TRPV4: variants seen among roughly 807,000 people sequenced by gnomAD.
The protein encoded by TRPV4 is OSM9-like transient receptor potential channel 4.
TRPV4 carries 58 observed loss-of-function variants against 84.1 expected under a neutral mutation model. The ratio of observed to expected loss-of-function variants is 0.69; its 90% confidence interval spans 0.56 to 0.86. The LOEUF (loss-of-function observed/expected upper bound fraction) is 0.86. TRPV4 is among the 40% of genes least tolerant of loss of function. The pLI is 0.00. For synonymous variants in TRPV4, 489 were observed against 500.9 expected (o/e 0.98, Z 0.32); for missense variants, 879 against 1,181.1 (o/e 0.74, Z 3.75).
Position 109,814,808 on chromosome 12 carries a change from G to T in TRPV4, c.-12C>A. The T allele has an allele frequency of 6.5e-7, 1 of 1,537,706 alleles. No individual in the cohort carries two copies. On this transcript the variant is annotated 5_prime_UTR_variant, in exon 2 of 16. Coordinates refer to ENST00000261740, the MANE Select transcript of TRPV4 (RefSeq NM_021625.5). This position sits in a 1 kb window ranked among gnomAD's most constrained non-coding sequence, Gnocchi z 5.4. ...CTGGAATCCGCCATGCCTGCCCCAG[G>T]CCCGTCTGCACTGCTCAGCCTGCAA... is the stretch of plus-strand genomic sequence containing the variant.
intron 12 of TRPV4, among the ~76,000 whole-genome samples, chr12:109,791,605 C>G (rs575656900): frequency 6.6e-6 from 1 of 150,510 alleles, no homozygotes; most frequent in Admixed American, 6.6e-5. Context: ...GCCTCAGCCT[C>G]CCGAGTAGCT....
chr12:109,801,541 C>T (rs1325673876), intron 4 of TRPV4, among the ~76,000 whole-genome samples: 1 of 152,156 alleles, frequency 6.6e-6, no homozygotes, highest in Non-Finnish European at 1.5e-5. Context: ...CCTGATGCCT[C>T]CCCAGCCCTG....
chr12:109,807,570 T>C (rs1318033547), intron 3 of TRPV4, among the ~76,000 whole-genome samples: 2 of 151,964 alleles, frequency 1.3e-5, no homozygotes, highest in African/African-American at 2.4e-5. Context: ...CTTGACATGG[T>C]ATCTTGACTT....
chr12:109,801,146 C>G (rs781156294), intron 4 of TRPV4, among the ~76,000 whole-genome samples: 1 of 152,218 alleles, frequency 6.6e-6, no homozygotes, highest in Non-Finnish European at 1.5e-5. Flanking sequence ...GATCCCATCT[C>G]TATAGAAATG....
At chr12:109,824,405 G>T (rs1362010958) in intron 1 of TRPV4, among the ~76,000 whole-genome samples, 1 of 151,994 alleles carries the variant, frequency 6.6e-6, no homozygotes, top group Non-Finnish European at 1.5e-5. Flanking sequence ...CACCCTCTCA[G>T]CCAGCCCTGC....
In TRPV4 at chr12:109,793,512, G is replaced by C. The variant is rs200083069; in HGVS notation, c.1658+15C>G. 1.2e-6 allele frequency: 2 copies of C among 1,611,772 alleles called. No individual in the cohort carries two copies. The highest frequency in any genetic ancestry group is 2.7e-5 in the African/African-American group (2 of 74,854). ...TCCTCACCCAGAAGCTGCCGGCCCA[G>C]GGACCTCTACTCACTAGAGCAGCTG... On this transcript the variant is annotated intron_variant, in intron 10 of 15. Coordinates refer to ENST00000261740, the MANE Select transcript of TRPV4 (RefSeq NM_021625.5). This position sits in a 1 kb window ranked among gnomAD's most constrained non-coding sequence, Gnocchi z 4.0.
At position 109,817,961 on chromosome 12, in the gene TRPV4, G is replaced by A. The variant is rs140510259; in HGVS notation, c.-31-3134C>T. The stretch of plus-strand genomic sequence containing the variant: ...TGACCCAGCCCACAATGTCAATAGC[G>A]TCGAGACTGAGAACATCTGCCCTGG... On this transcript the variant is annotated intron_variant, in intron 1 of 15. Coordinates refer to ENST00000261740, the MANE Select transcript of TRPV4 (RefSeq NM_021625.5). Among the ~76,000 whole-genome samples, 34 of 152,174 alleles carry A rather than the reference G, an allele frequency of 2.2e-4. No individual in the cohort carries two copies. The East Asian group carries it at 5.0e-3, about 23-fold the overall frequency.
At chr12:109,809,288 T>C (rs1891361859) in intron 2 of TRPV4, among the ~76,000 whole-genome samples, 1 of 127,052 alleles carries the variant, frequency 7.9e-6, no homozygotes, top group Non-Finnish European at 1.6e-5. Context: ...CATCCATCCA[T>C]CCACCTACCC....
At position 109,783,955 on chromosome 12, in the gene TRPV4, G is replaced by GAGAATGGAGGAACCAGGATTCA. The variant is rs1889516608; in HGVS notation, c.2459-199_2459-178dup. Among the ~76,000 whole-genome samples the GAGAATGGAGGAACCAGGATTCA allele has an allele frequency of 6.6e-6, 1 of 152,190 alleles. No individual in the cohort carries two copies. Among genetic ancestry groups the GAGAATGGAGGAACCAGGATTCA allele is most frequent in the African/African-American group, 2.4e-5 (1 of 41,440 alleles). ...GAGAGGTCAAGGTGCCTCCCCAGGA[G>GAGAATGGAGGAACCAGGATTCA]AGAATGGAGGAACCAGGATTCAAGC... On this transcript the variant is annotated intron_variant, in intron 15 of 15. Transcript: ENST00000261740. The surrounding 1 kb of genome is among the most constrained non-coding windows in gnomAD (Gnocchi z 4.6).
At chr12:109,816,639 G>A (rs919476814) in intron 1 of TRPV4, among the ~76,000 whole-genome samples, 2 of 152,148 alleles carry the variant, frequency 1.3e-5, no homozygotes, top group Non-Finnish European at 1.5e-5. Flanking sequence ...TTAGCCAGGC[G>A]TGGTGGCACG....
At chr12:109,827,804 A>G (rs749786675) in intron 1 of TRPV4, among the ~76,000 whole-genome samples, 56 of 151,670 alleles carry the variant, frequency 3.7e-4, no homozygotes, top group African/African-American at 1.3e-3. Flanking sequence ...ACATATAGTC[A>G]TACATATACA....
chr12:109,816,740 T>C (rs149475999), intron 1 of TRPV4, among the ~76,000 whole-genome samples: 52 of 152,290 alleles, frequency 3.4e-4, no homozygotes, highest in African/African-American at 1.1e-3. Context: ...ATGGCGCCAC[T>C]GCACTCCAGC....
chr12:109,795,451 C>T (rs1890327742), intron 7 of TRPV4, among the ~76,000 whole-genome samples: 1 of 152,200 alleles, frequency 6.6e-6, no homozygotes, highest in African/African-American at 2.4e-5. Context: ...AGGAAGACCA[C>T]CTGCACCCAG....
rs762801533 is a variant in TRPV4, at chr12:109,814,812, G to A, written c.-16C>T. ...AATCCGCCATGCCTGCCCCAGGCCC[G>A]TCTGCACTGCTCAGCCTGCAAGGGA... On this transcript the variant is annotated 5_prime_UTR_variant, in exon 2 of 16. The change creates a new upstream start codon in the 5' untranslated region. Coordinates refer to ENST00000261740, the MANE Select transcript of TRPV4 (RefSeq NM_021625.5). The surrounding 1 kb of genome is among the most constrained non-coding windows in gnomAD (Gnocchi z 5.4). 2.9e-5 allele frequency: 44 copies of A among 1,537,014 alleles called. No homozygotes were observed. The highest frequency in any genetic ancestry group is 4.9e-5 in the East Asian group (2 of 40,932).
At position 109,814,264 on chromosome 12, in the gene TRPV4, G is replaced by A. The variant is rs1027180160; in HGVS notation, c.386+147C>T. The A allele has an allele frequency of 5.4e-6, 5 of 925,422 alleles. No individual in the cohort carries two copies. Among genetic ancestry groups the A allele is most frequent in the Admixed American group, 4.0e-5 (2 of 50,104 alleles). The allele number at this position is 925,422 out of a possible 1,614,324, so 57.3% of individuals were successfully genotyped here. ...ATATGGATAGGGAGATGAATAGATGGATGGATAGATGTATGGATGGTTGGA... is the reference window on the plus strand; with the variant it reads ...ATATGGATAGGGAGATGAATAGATGAATGGATAGATGTATGGATGGTTGGA... On this transcript the variant is annotated intron_variant, in intron 2 of 15. Coordinates refer to ENST00000261740, the MANE Select transcript of TRPV4 (RefSeq NM_021625.5). The surrounding 1 kb of genome is among the most constrained non-coding windows in gnomAD (Gnocchi z 5.4).
At position 109,798,597 on chromosome 12, in the gene TRPV4, C is replaced by T. The variant is rs1890563998; in HGVS notation, c.1152+17G>A. On this transcript the variant is annotated intron_variant, in intron 6 of 15. Coordinates refer to ENST00000261740, the MANE Select transcript of TRPV4 (RefSeq NM_021625.5). The surrounding 1 kb of genome is among the most constrained non-coding windows in gnomAD (Gnocchi z 5.0). Reference sequence around the variant, plus strand: ...TACGAGTAGGTGGATCAGCTGTGCCCCCAGCCGCACACTCACCCCAATCTT... The same window carrying T: ...TACGAGTAGGTGGATCAGCTGTGCCTCCAGCCGCACACTCACCCCAATCTT... 6.2e-7 allele frequency: 1 copy of T among 1,608,686 alleles called. No homozygotes were observed. The highest frequency in any genetic ancestry group is 1.3e-5 in the African/African-American group (1 of 74,886).
intron 1 of TRPV4, among the ~76,000 whole-genome samples, chr12:109,819,673 T>G (rs1892014672): frequency 1.3e-5 from 2 of 152,232 alleles, no homozygotes; most frequent in Admixed American, 1.3e-4. Context: ...GCAATTCTCC[T>G]GCCTCAGCCT....
At position 109,786,841 on chromosome 12, in the gene TRPV4, C is replaced by T. The variant is rs762947389; in HGVS notation, c.2209-4G>A. 10 of 1,613,422 alleles carry T rather than the reference C, an allele frequency of 6.2e-6. No homozygotes were observed. The highest frequency in any genetic ancestry group is 1.3e-5 in the African/African-American group (1 of 74,840). ...TGTCCAGGATGGTGGTGGCCCACTG[C>T]GGGGAGGGAGGGTCAGGAGGGACAT... is the stretch of plus-strand genomic sequence containing the variant. On this transcript the variant is annotated splice_region_variant and splice_polypyrimidine_tract_variant and intron_variant, in intron 13 of 15. Coordinates refer to ENST00000261740, the MANE Select transcript of TRPV4 (RefSeq NM_021625.5). This position sits in a 1 kb window ranked among gnomAD's most constrained non-coding sequence, Gnocchi z 4.5.
In TRPV4 at chr12:109,814,525, T is replaced by C. The variant is rs1891736087; in HGVS notation, c.272A>G (p.Tyr91Cys). The part of the protein sequence containing the change: ...NPIDLLESTL[Y>C]ESSVVPGPKK... ...GGGCCCAGGCACCACCGAGGACTCA[T>C]ATAGGGTGGACTCCAGCAGATCGAT... The change falls in exon 2 of 16, where the codon TAT (tyrosine) becomes TGT (cysteine). Residue 91 changes from tyrosine (Y) to cysteine (C), a missense_variant. Tyr to Cys is a radical substitution (Grantham distance 194). This residue lies in a region of TRPV4 where 521 missense variants were observed against 686.6 expected (regional missense o/e 0.76). Transcript: ENST00000261740. This position sits in a 1 kb window ranked among gnomAD's most constrained non-coding sequence, Gnocchi z 5.4. The C allele has an allele frequency of 2.5e-6, 4 of 1,614,082 alleles. No individual in the cohort carries two copies. Among genetic ancestry groups the C allele is most frequent in the Non-Finnish European group, 3.4e-6 (4 of 1,179,978 alleles).
Sources: gnomAD v4.1 joint callset for allele counts (sites outside exome capture counted in the v4.1 genomes callset) on GRCh38, gnomAD v4.1.1 for gene constraint, gnomAD v4.1.1 regional missense constraint, Gnocchi (gnomAD v3.1) non-coding constraint, MANE v1.5 for transcripts, NCBI Gene and HGNC (gene_info 2026-07-23, HGNC 2026-07-21) for gene names.